KLHL13: variants seen among roughly 807,000 people sequenced by gnomAD.
KLHL13 encodes kelch like family member 13, also known as kelch-like protein 13.
KLHL13 carries 10 observed loss-of-function variants against 37.1 expected under a neutral mutation model. The ratio of observed to expected loss-of-function variants is 0.27; its 90% CI spans 0.17 to 0.46. The LOEUF (loss-of-function observed/expected upper bound fraction) is 0.46, where lower values mean the gene tolerates loss of function less well. Among genes scored for constraint, KLHL13 ranks in the 20% least tolerant of loss-of-function variants. KLHL13 has a pLI of 1.00. For missense variants in KLHL13, 360 were observed against 509.3 expected, an observed-to-expected ratio of 0.71 and a Z score of 2.82; for synonymous variants, 163 against 181.2, an observed-to-expected ratio of 0.90 and a Z score of 0.81.
intron 1 of KLHL13, among the ~76,000 whole-genome samples, chrX:118,040,252 A>G: frequency 8.9e-6 from 1 of 112,048 alleles, no homozygotes; most frequent in Middle Eastern, 4.6e-3. Context: ...TGACCTCACC[A>G]AACAAACTAA....
chrX:117,908,735 A>G (rs959041039), intron 5 of KLHL13, among the ~76,000 whole-genome samples: 2 of 112,158 alleles, frequency 1.8e-5, no homozygotes, highest in Non-Finnish European at 3.8e-5. Flanking sequence ...AAACTATCTG[A>G]TATTACGTCA....
chrX:118,039,162 A>G (rs1171096701), intron 1 of KLHL13, among the ~76,000 whole-genome samples: 1 of 111,889 alleles, frequency 8.9e-6, no homozygotes, highest in Non-Finnish European at 1.9e-5. Context: ...GTGAGGCAAT[A>G]CTCACTGTGG....
intron 5 of KLHL13, among the ~76,000 whole-genome samples, chrX:117,907,837 C>G (rs1165217621): frequency 1.8e-5 from 2 of 110,684 alleles, no homozygotes; most frequent in African/African-American, 6.5e-5. Flanking sequence ...GGAAAAAGAC[C>G]ATGTCACTAA....
chrX:117,937,941 C>G (rs112127749), intron 2 of KLHL13, among the ~76,000 whole-genome samples: 1 of 111,880 alleles, frequency 8.9e-6, no homozygotes, highest in African/African-American at 3.2e-5. Flanking sequence ...GTCTACTTTA[C>G]GTCTATATAG....
intron 2 of KLHL13, among the ~76,000 whole-genome samples, chrX:117,943,011 G>C (rs1469765902): frequency 9.0e-6 from 1 of 111,225 alleles, no homozygotes; most frequent in Non-Finnish European, 1.9e-5. Flanking sequence ...GCTCTTATAA[G>C]GCAGGCCTGG....
At chrX:117,912,539 A>G (rs1931057489) in intron 4 of KLHL13, among the ~76,000 whole-genome samples, 2 of 112,076 alleles carry the variant, frequency 1.8e-5, no homozygotes, top group Non-Finnish European at 3.8e-5. Context: ...CTTAAATTTT[A>G]TTTACAGGCA....
intron 1 of KLHL13, 149 bp from the exon 2 acceptor site, chrX:118,028,646 G>A (rs1207178713): frequency 7.3e-5 from 21 of 288,002 alleles, no homozygotes; most frequent in Non-Finnish European, 6.1e-5. Context: ...TACATCTTAA[G>A]AAAATTAAGA....
At position 118,094,657 on chromosome X, in the gene KLHL13, A is replaced by T. The variant is rs763554256; in HGVS notation, c.-56+21851T>A. 2.1e-4 allele frequency among the ~76,000 whole-genome samples: 23 copies of T among 111,606 alleles called. No individual in the cohort carries two copies. The South Asian group carries it at 2.7e-3, about 13-fold the overall frequency. On this transcript the variant is annotated intron_variant, in intron 1 of 6. Coordinates refer to the KLHL13 transcript ENST00000371882. ...GCCAGAGAGAAAGGTCGGGTTACCC[A>T]CAAAGGGAAGCCCATCAGACTAACA...
chrX:117,937,900 C>A (rs1249370319), intron 2 of KLHL13, among the ~76,000 whole-genome samples: 1 of 111,719 alleles, frequency 9.0e-6, no homozygotes, highest in Non-Finnish European at 1.9e-5. Context: ...TCTCATATCC[C>A]CCCAATTTCC....
intron 1 of KLHL13, among the ~76,000 whole-genome samples, chrX:118,021,388 C>G (rs962207682): frequency 1.1e-4 from 12 of 107,068 alleles, no homozygotes; most frequent in Non-Finnish European, 1.5e-4. Context: ...ATCCCTCCCC[C>G]CTACCCTTAC....
chrX:118,039,594 A>G (rs747373543), intron 1 of KLHL13, among the ~76,000 whole-genome samples: 6 of 111,502 alleles, frequency 5.4e-5, no homozygotes, highest in Non-Finnish European at 1.1e-4. Flanking sequence ...GTAGATTCCT[A>G]AGGTTTCCGA....
At chrX:118,011,031 C>T (rs1267722282) in intron 1 of KLHL13, among the ~76,000 whole-genome samples, 1 of 109,913 alleles carries the variant, frequency 9.1e-6, no homozygotes, top group Non-Finnish European at 1.9e-5. Flanking sequence ...CATGATTGCA[C>T]CACTGTACTC....
intron 1 of KLHL13, among the ~76,000 whole-genome samples, chrX:117,962,091 G>C (rs1307064771): frequency 3.0e-5 from 3 of 99,178 alleles, no homozygotes; most frequent in African/African-American, 1.3e-4. Flanking sequence ...CGTGCCTGTA[G>C]TCCCAGTTAC....
At chrX:117,975,840 A>G (rs1297658421), upstream of KLHL13, among the ~76,000 whole-genome samples, 3 of 112,041 alleles carry the variant, frequency 2.7e-5, no homozygotes, top group African/African-American at 9.7e-5. Flanking sequence ...AAATTCCCAA[A>G]AAGGGAACCA....
At chrX:118,096,409 A>AC (rs1473421128) in intron 1 of KLHL13, among the ~76,000 whole-genome samples, 1 of 111,862 alleles carries the variant, frequency 8.9e-6, no homozygotes, top group Non-Finnish European at 1.9e-5. Flanking sequence ...TAGACCAATA[A>AC]CAGGCTCTGA....
rs142906630 is a variant in KLHL13, at chrX:117,954,445, G to A, written c.99-8870C>T. ...GGATGGATGGATAAAGGGATACATG[G>A]ATGGATGAATGGTAGGTAGATAAGG... is the stretch of plus-strand genomic sequence containing the variant. On this transcript the variant is annotated intron_variant, in intron 1 of 6. Coordinates refer to ENST00000262820, the Ensembl canonical transcript of KLHL13. Among the ~76,000 whole-genome samples the A allele has an allele frequency of 9.3e-3, 1,036 of 111,937 alleles. 17 individuals carry two copies. Among genetic ancestry groups the A allele is most frequent in the African/African-American group, 0.031 (960 of 30,847 alleles).
intron 1 of KLHL13, among the ~76,000 whole-genome samples, chrX:117,996,899 C>T (rs966534320): frequency 2.7e-5 from 3 of 109,955 alleles, no homozygotes; most frequent in Non-Finnish European, 5.7e-5. Flanking sequence ...ACATTTCCAT[C>T]TCATCTGCAA....
At chrX:118,035,336 A>C (rs926359225) in intron 1 of KLHL13, among the ~76,000 whole-genome samples, 77 of 106,198 alleles carry the variant, frequency 7.3e-4, no homozygotes, top group Admixed American at 1.4e-3. Flanking sequence ...TGATGCAAAA[A>C]TCCTCAATAA....
At chrX:118,056,450 C>G (rs1033381142) in intron 1 of KLHL13, among the ~76,000 whole-genome samples, 16 of 111,481 alleles carry the variant, frequency 1.4e-4, no homozygotes, top group Non-Finnish European at 2.8e-4. Context: ...TAGAAACTGA[C>G]TAGCTAATTG....
Sources: gnomAD v4.1 joint callset for allele counts (sites outside exome capture counted in the v4.1 genomes callset) on GRCh38, gnomAD v4.1.1 for gene constraint, MANE v1.5 for transcripts, NCBI Gene and HGNC (gene_info 2026-07-23, HGNC 2026-07-21) for gene names.